Variants in PELO observed in about 807,000 individuals in gnomAD.
The protein encoded by PELO is pelota mRNA surveillance and ribosome rescue factor.
PELO carries 19 observed loss-of-function variants against 25.9 expected under a neutral mutation model. The ratio of observed to expected loss-of-function variants is 0.73; its 90% CI spans 0.51 to 1.08. The LOEUF (loss-of-function observed/expected upper bound fraction) is 1.08, where lower values mean the gene tolerates loss of function less well. Among genes scored for constraint, PELO ranks in the 50% least tolerant of loss-of-function variants. PELO has a pLI of 0.00. For missense variants in PELO, 498 were observed against 491.4 expected, an observed-to-expected ratio of 1.01 and a Z score of -0.13; for synonymous variants, 196 against 192.2, an observed-to-expected ratio of 1.02 and a Z score of -0.16.
In PELO at chr5:52,801,020, G is replaced by C. The variant is rs1278472081; in HGVS notation, c.626G>C (p.Ser209Thr). Reference protein sequence around the residue: ...FDVVKCILVASPGFVREQFCD... With the variant: ...FDVVKCILVATPGFVREQFCD... ...GTTGTAAAGTGCATCCTGGTGGCCA[G>C]CCCAGGATTTGTGAGGGAGCAGTTC... is the stretch of plus-strand genomic sequence containing the variant. The change falls in exon 2 of 3, where the codon AGC becomes ACC. Residue 209 changes from serine to threonine, a missense_variant. Ser to Thr is a moderately conservative substitution (Grantham distance 58). Coordinates refer to ENST00000274311, the MANE Select transcript of PELO (RefSeq NM_015946.5). 1 of 1,614,096 alleles carries C rather than the reference G, an allele frequency of 6.2e-7. No individual in the cohort carries two copies. The highest frequency in any genetic ancestry group is 1.1e-5 in the South Asian group (1 of 91,078).
rs1748530188 is a variant in PELO, at chr5:52,803,520, G to A, written c.*1680G>A. ...GGTCTAATAAATATAACCAATACAT[G>A]TTAGGCCATAGGTTCTTAAATTTAG... On this transcript the variant is annotated 3_prime_UTR_variant, in exon 3 of 3. Transcript: ENST00000274311. 1 of 152,128 alleles carries A rather than the reference G, an allele frequency of 6.6e-6. No individual in the cohort carries two copies. The highest frequency in any genetic ancestry group is 2.4e-5 in the African/African-American group (1 of 41,432). 9.4% of individuals were successfully genotyped at this position (152,128 alleles called of 1,614,324 possible). A position where few individuals can be genotyped will look rare whatever the true frequency, so the allele number is the denominator to read the frequency against.
At chr5:52,796,382 T>C (rs1284233807) in intron 1 of PELO, among the ~76,000 whole-genome samples, 1 of 151,926 alleles carries the variant, frequency 6.6e-6, no homozygotes, top group African/African-American at 2.4e-5. Flanking sequence ...TTAAAGTTAC[T>C]GATATAAAGA....
At position 52,800,227 on chromosome 5, in the gene PELO, C is replaced by G; in HGVS notation, c.-168C>G. ...AGAGGAAAGGATAGAGGAAGTGCTG[C>G]CCTAGGCTGCATGAGTCGAAGCAAG... On this transcript the variant is annotated 5_prime_UTR_variant, in exon 2 of 3. Transcript: ENST00000274311. The G allele has an allele frequency of 3.1e-6, 2 of 651,020 alleles. No homozygotes were observed. Among genetic ancestry groups the G allele is most frequent in the Non-Finnish European group, 5.3e-6 (2 of 375,398 alleles). The allele number at this position is 651,020 out of a possible 1,614,324, so 40.3% of individuals were successfully genotyped here. A position where few individuals can be genotyped will look rare whatever the true frequency, so the allele number is the denominator to read the frequency against.
rs933086657 is a variant in PELO, at chr5:52,788,322, C to A, written c.-603C>A. On this transcript the variant is annotated 5_prime_UTR_variant, in exon 1 of 3. Transcript: ENST00000274311. The stretch of plus-strand genomic sequence containing the variant: ...CGCCCGGTCCTGCCCTGCGAACCAG[C>A]GCGGCCCCCTGGCGCTGAGGCTGCT... 3 of 1,485,556 alleles carry A rather than the reference C, an allele frequency of 2.0e-6. No individual in the cohort carries two copies. Among genetic ancestry groups the A allele is most frequent in the Non-Finnish European group, 2.7e-6 (3 of 1,122,738 alleles). The allele number at this position is 1,485,556 out of a possible 1,614,324, so 92.0% of individuals were successfully genotyped here.
At chr5:52,788,823 T>C (rs896859981) in intron 1 of PELO, among the ~76,000 whole-genome samples, 1 of 152,044 alleles carries the variant, frequency 6.6e-6, no homozygotes, top group African/African-American at 2.4e-5. Context: ...ATTCCTACCC[T>C]CGGGTTGTTC....
In PELO at chr5:52,801,392, T is replaced by G; in HGVS notation, c.727-17T>G. ...CTAGGAGATTATTTTGCCTAACTTT[T>G]GTAATTGTGATTCTAGGTACATGCC... On this transcript the variant is annotated splice_polypyrimidine_tract_variant and intron_variant, in intron 2 of 2. Transcript: ENST00000274311. 1.3e-6 allele frequency: 2 copies of G among 1,596,796 alleles called. No homozygotes were observed. The highest frequency in any genetic ancestry group is 1.7e-6 in the Non-Finnish European group (2 of 1,168,530).
intron 1 of PELO, among the ~76,000 whole-genome samples, chr5:52,797,712 T>C (rs763682379): frequency 1.3e-5 from 2 of 152,170 alleles, no homozygotes; most frequent in Non-Finnish European, 2.9e-5. Context: ...TATGGAGTTA[T>C]GCAGGCCTGA....
rs369705961 is a variant in PELO at position 52,789,258 on chromosome 5, TG to T, written c.-511+850del. Among the ~76,000 whole-genome samples, 52 of 151,770 alleles carry T rather than the reference TG, an allele frequency of 3.4e-4. No individual in the cohort carries two copies. In the South Asian group the frequency reaches 0.01, roughly 29 times the overall value. ...TGAAATGGTGAAAAATGGAAGAAGGTGGGGGGAAAGTGTATCGATAGAATCT... is the reference window on the plus strand; with the variant it reads ...TGAAATGGTGAAAAATGGAAGAAGGTGGGGGAAAGTGTATCGATAGAATCT... On this transcript the variant is annotated intron_variant, in intron 1 of 2. Transcript: ENST00000274311.
Position 52,800,417 on chromosome 5 carries a change from T to C in PELO, c.23T>C (p.Ile8Thr). The change falls in exon 2 of 3, where the codon ATC becomes ACC. Residue 8 changes from isoleucine (I) to threonine (T), a missense_variant. Transcript: ENST00000274311. Reference protein sequence around the residue: MKLVRKNIEKDNAGQVTL... With the variant: MKLVRKNTEKDNAGQVTL... ...GCCATGAAGCTCGTGAGGAAGAACA[T>C]CGAGAAGGACAATGCGGGCCAGGTG... The C allele has an allele frequency of 6.2e-7, 1 of 1,613,934 alleles. No individual in the cohort carries two copies. The highest frequency in any genetic ancestry group is 8.5e-7 in the Non-Finnish European group (1 of 1,180,002).
intron 1 of PELO, among the ~76,000 whole-genome samples, chr5:52,793,577 A>G (rs1748282845): frequency 6.6e-6 from 1 of 152,116 alleles, no homozygotes; most frequent in African/African-American, 2.4e-5. Context: ...TCAATAATAT[A>G]CAGTGTATGG....
chr5:52,795,144 T>G (rs1011525075), intron 1 of PELO, among the ~76,000 whole-genome samples: 2 of 151,916 alleles, frequency 1.3e-5, no homozygotes, highest in Admixed American at 1.3e-4. Flanking sequence ...GAAAAATTAA[T>G]AACCATTAAT....
chr5:52,794,500 TACACACAC>T (rs56996823), intron 1 of PELO, among the ~76,000 whole-genome samples: 1,641 of 141,908 alleles, frequency 0.012, 14 homozygotes, highest in Non-Finnish European at 0.018. Context: ...CAAATAGAAA[TACACACAC>T]ACACACACAC....
At chr5:52,794,315 C>A (rs1194780109) in intron 1 of PELO, among the ~76,000 whole-genome samples, 1 of 151,826 alleles carries the variant, frequency 6.6e-6, no homozygotes, top group Non-Finnish European at 1.5e-5. Context: ...AATCATATAT[C>A]CTTACTACAA....
Position 52,800,726 on chromosome 5 carries a change from C to A in PELO, c.332C>A (p.Thr111Asn). 1 of 1,614,232 alleles carries A rather than the reference C, an allele frequency of 6.2e-7. No homozygotes were observed. The highest frequency in any genetic ancestry group is 8.5e-7 in the Non-Finnish European group (1 of 1,180,038). Residue 111 changes from threonine to asparagine, a missense_variant, in exon 2 of 3, where the codon ACC becomes AAC. Coordinates refer to ENST00000274311, the MANE Select transcript of PELO (RefSeq NM_015946.5). ...TIELEPNRQF[T>N]LAKKQWDSVV... is the part of the protein sequence containing the mutation. ...GAGCTGGAGCCCAACCGCCAGTTCA[C>A]CCTGGCCAAGAAGCAGTGGGATAGT...
Position 52,788,376 on chromosome 5 carries a change from G to A in PELO, c.-549G>A. On this transcript the variant is annotated 5_prime_UTR_variant, in exon 1 of 3. Transcript: ENST00000274311. Reference sequence around the variant, plus strand: ...GCCATGGCCCCTCGGCCCCGCGCCCGCCCAGGGGTCGCTGTCGCCTGCTGC... The same window carrying A: ...GCCATGGCCCCTCGGCCCCGCGCCCACCCAGGGGTCGCTGTCGCCTGCTGC... 1.3e-6 allele frequency: 2 copies of A among 1,511,876 alleles called. No homozygotes were observed. The allele number at this position is 1,511,876 out of a possible 1,614,324, so 93.7% of individuals were successfully genotyped here.
chr5:52,802,973 G>A lies in PELO; in HGVS notation c.*1133G>A, dbSNP rs1188223905. ...TTTGGTGCACATTCCTAAAAGTTAA[G>A]GAAGGAGCCTCAGTAATGGAATTGC... On this transcript the variant is annotated 3_prime_UTR_variant, in exon 3 of 3. Coordinates refer to ENST00000274311, the MANE Select transcript of PELO (RefSeq NM_015946.5). The A allele has an allele frequency of 6.6e-6, 1 of 152,140 alleles. No homozygotes were observed. Among genetic ancestry groups the A allele is most frequent in the African/African-American group, 2.4e-5 (1 of 41,422 alleles). 9.4% of individuals were successfully genotyped at this position (152,140 alleles called of 1,614,324 possible). A position where few individuals can be genotyped will look rare whatever the true frequency, so the allele number is the denominator to read the frequency against.
chr5:52,788,560 G>C (rs902175597), intron 1 of PELO, 146 bp downstream of exon 1: 64 of 598,520 alleles, frequency 1.1e-4, no homozygotes, highest in African/African-American at 2.4e-4. Context: ...GCCAGGCTAC[G>C]GGGCAGGCAG....
At chr5:52,796,877 A>G (rs1282868663) in intron 1 of PELO, among the ~76,000 whole-genome samples, 1 of 152,108 alleles carries the variant, frequency 6.6e-6, no homozygotes, top group Non-Finnish European at 1.5e-5. Flanking sequence ...GGAAGCAGGG[A>G]TGAAAGGAAG....
At position 52,800,167 on chromosome 5, in the gene PELO, C is replaced by G. The variant is rs532589392; in HGVS notation, c.-228C>G. Reference sequence around the variant, plus strand: ...GGTAGATTTTCGCTGCAGTGTTCCCCGAGCCTGTTAGACGCAGCGCGCCGG... The same window carrying G: ...GGTAGATTTTCGCTGCAGTGTTCCCGGAGCCTGTTAGACGCAGCGCGCCGG... On this transcript the variant is annotated 5_prime_UTR_variant, in exon 2 of 3. Coordinates refer to ENST00000274311, the MANE Select transcript of PELO (RefSeq NM_015946.5). 8.8e-6 allele frequency: 5 copies of G among 570,842 alleles called. No homozygotes were observed. The highest frequency in any genetic ancestry group is 6.0e-5 in the East Asian group (2 of 33,392). The allele number at this position is 570,842 out of a possible 1,614,324, so 35.4% of individuals were successfully genotyped here.
Sources: gnomAD v4.1 joint callset for allele counts (sites outside exome capture counted in the v4.1 genomes callset) on GRCh38, gnomAD v4.1.1 for gene constraint, MANE v1.5 for transcripts, NCBI Gene and HGNC (gene_info 2026-07-23, HGNC 2026-07-21) for gene names.